The following APOBEC4 variants were observed in gnomAD, a reference collection of about 807,000 sequenced individuals.
APOBEC4 encodes the protein apolipoprotein B mRNA editing enzyme catalytic polypeptide like 4, also known as putative deaminase APOBEC-4.
For synonymous variants in APOBEC4, 141 were observed against 154.2 expected (o/e 0.91, Z 0.63); for missense variants, 375 against 441.2 (o/e 0.85, Z 1.34).
Position 183,648,238 on chromosome 1 carries a change from G to T in APOBEC4, c.544C>A (p.Pro182Thr). ...CTTATTGGACTCAAAACAACCCGCG[G>T]CCATAAGCTGGCCAGGCTCCGGAGA... ...EALRSLASLW[P>T]RVVLSPISGG... Residue 182 changes from proline to threonine, a missense_variant, in exon 2 of 2, where the codon CCG becomes ACG. Pro to Thr is a conservative substitution (Grantham distance 38). Coordinates refer to ENST00000308641, the MANE Select transcript of APOBEC4 (RefSeq NM_203454.3). 1 of 1,614,194 alleles carries T rather than the reference G, an allele frequency of 6.2e-7. No homozygotes were observed. Among genetic ancestry groups the T allele is most frequent in the Non-Finnish European group, 8.5e-7 (1 of 1,180,034 alleles).
At position 183,648,676 on chromosome 1, in the gene APOBEC4, G is replaced by A. The variant is rs778262711; in HGVS notation, c.106C>T (p.Arg36Ter). The A allele has an allele frequency of 1.1e-5, 17 of 1,614,156 alleles. No individual in the cohort carries two copies. Among genetic ancestry groups the A allele is most frequent in the East Asian group, 4.5e-5 (2 of 44,886 alleles). Reference protein sequence around the residue: ...LDCSNCPYHIRTGEEARVSLT... With the variant: ...LDCSNCPYHI ...GAAACTCTTGCTTCTTCACCTGTTC[G>A]AATATGGTAAGGACAATTAGAGCAA... The change falls in exon 2 of 2, where the codon CGA becomes TGA. Residue 36 changes from arginine to a stop codon, truncating the protein, a stop_gained. Coordinates refer to ENST00000308641, the MANE Select transcript of APOBEC4 (RefSeq NM_203454.3). LOFTEE classifies it low-confidence loss of function (END_TRUNC).
At chr1:183,648,946 T>G (rs980702019) in intron 1 of APOBEC4, 135 bp from the exon 2 acceptor site, 3 of 588,686 alleles carry the variant, frequency 5.1e-6, no homozygotes, top group Non-Finnish European at 8.7e-6. Flanking sequence ...ATTTAAAAGC[T>G]CAGGATTCAT....
In APOBEC4 at chr1:183,648,095, G is replaced by T; in HGVS notation, c.687C>A (p.Ile229=). The change falls in exon 2 of 2, where the codon ATC becomes ATA. Residue 229 remains isoleucine, a synonymous_variant. Transcript: ENST00000308641. The part of the protein sequence containing the change: ...ALADRHNAYE[I]NAITGVKPYF... ...AAGGTTTTACGCCTGTTATGGCATT[G>T]ATTTCATATGCGTTGTGCCTGTCAG... 6.2e-7 allele frequency: 1 copy of T among 1,614,218 alleles called. No individual in the cohort carries two copies. Among genetic ancestry groups the T allele is most frequent in the Non-Finnish European group, 8.5e-7 (1 of 1,180,046 alleles).
In APOBEC4 at chr1:183,647,825, GT is replaced by G. The variant is rs770601700; in HGVS notation, c.956del (p.His319ProfsTer2). ...NPNKPRNIVR[H>X]LNMPQMSFQE... is the part of the protein sequence containing the mutation. ...GGAATGACATTTGAGGCATATTTAAGTGCCTTACGATATTCCTGGGTTTATT... is the reference window on the plus strand; with the variant it reads ...GGAATGACATTTGAGGCATATTTAAGGCCTTACGATATTCCTGGGTTTATT... On this transcript the variant is annotated frameshift_variant, in exon 2 of 2. Coordinates refer to ENST00000308641, the MANE Select transcript of APOBEC4 (RefSeq NM_203454.3). LOFTEE classifies it low-confidence loss of function (END_TRUNC). The G allele has an allele frequency of 3.7e-6, 6 of 1,614,162 alleles. No individual in the cohort carries two copies. The South Asian group carries it at 5.5e-5, about 15-fold the overall frequency.
Position 183,648,722 on chromosome 1 carries a change from G to A in APOBEC4, c.60C>T (p.Tyr20=). The change falls in exon 2 of 2, where the codon TAC becomes TAT. Residue 20 remains tyrosine, a synonymous_variant. Transcript: ENST00000308641. ...ANHGTIVKPY[Y]WLSFSLDCSN... is the part of the protein sequence containing the mutation. The stretch of plus-strand genomic sequence containing the variant: ...AGCAATCGAGAGAGAAGCTTAGCCA[G>A]TAATATGGTTTTACTATTGTTCCAT... 6.2e-7 allele frequency: 1 copy of A among 1,614,002 alleles called. No individual in the cohort carries two copies. Among genetic ancestry groups the A allele is most frequent in the East Asian group, 2.2e-5 (1 of 44,842 alleles).
intron 1 of APOBEC4, among the ~76,000 whole-genome samples, 200 bp from the exon 2 acceptor site, chr1:183,649,011 C>T (rs1247899455): frequency 1.3e-5 from 2 of 152,204 alleles, no homozygotes; most frequent in Non-Finnish European, 2.9e-5. Flanking sequence ...GAAAGGCGTT[C>T]TTCAACTTTA....
chr1:183,653,060 A>C lies in APOBEC4; in HGVS notation c.-31+12T>G, dbSNP rs1162091706. On this transcript the variant is annotated intron_variant, in intron 1 of 1. Coordinates refer to ENST00000308641, the MANE Select transcript of APOBEC4 (RefSeq NM_203454.3). Reference sequence around the variant, plus strand: ...TTAGCAGCTAAAAACAAATGTTAGCAGTTATAATTACCATCAATTTGTCTC... The same window carrying C: ...TTAGCAGCTAAAAACAAATGTTAGCCGTTATAATTACCATCAATTTGTCTC... 6.6e-6 allele frequency: 1 copy of C among 152,244 alleles called. No individual in the cohort carries two copies. Among genetic ancestry groups the C allele is most frequent in the Non-Finnish European group, 1.5e-5 (1 of 68,048 alleles). The allele number at this position is 152,244 out of a possible 1,614,324, so 9.4% of individuals were successfully genotyped here. A position where few individuals can be genotyped will look rare whatever the true frequency, so the allele number is the denominator to read the frequency against.
In APOBEC4 at chr1:183,648,610, T is replaced by A; in HGVS notation, c.172A>T (p.Thr58Ser). 1 of 1,614,200 alleles carries A rather than the reference T, an allele frequency of 6.2e-7. No individual in the cohort carries two copies. Among genetic ancestry groups the A allele is most frequent in the Non-Finnish European group, 8.5e-7 (1 of 1,180,020 alleles). ...AGGTGTTTTGTTTGAGGAAATGTTG[T>A]CCCATAAGGGAATCCAAAAATCTGA... Reference protein sequence around the residue: ...FCQIFGFPYGTTFPQTKHLTF... With the variant: ...FCQIFGFPYGSTFPQTKHLTF... Residue 58 changes from threonine to serine, a missense_variant, in exon 2 of 2, where the codon ACA becomes TCA. Physicochemically the swap from Thr to Ser is moderately conservative, Grantham distance 58 (BLOSUM62 1). Coordinates refer to ENST00000308641, the MANE Select transcript of APOBEC4 (RefSeq NM_203454.3).
At position 183,646,498 on chromosome 1, in the gene APOBEC4, T is replaced by C. The variant is rs1650304924; in HGVS notation, c.*1180A>G. 6.6e-6 allele frequency: 1 copy of C among 152,172 alleles called. No homozygotes were observed. Among genetic ancestry groups the C allele is most frequent in the African/African-American group, 2.4e-5 (1 of 41,446 alleles). The allele number at this position is 152,172 out of a possible 1,614,324, so 9.4% of individuals were successfully genotyped here. A position where few individuals can be genotyped will look rare whatever the true frequency, so the allele number is the denominator to read the frequency against. On this transcript the variant is annotated 3_prime_UTR_variant, in exon 2 of 2. Transcript: ENST00000308641. Reference sequence around the variant, plus strand: ...TTTTCTTGTAATGTATCTTTACATATTTCAAAGAGGCAAGTGGCAGCAAAT... The same window carrying C: ...TTTTCTTGTAATGTATCTTTACATACTTCAAAGAGGCAAGTGGCAGCAAAT...
Position 183,648,531 on chromosome 1 carries a change from G to A in APOBEC4, c.251C>T (p.Ala84Val), listed in dbSNP as rs529403451. 6 of 1,614,158 alleles carry A rather than the reference G, an allele frequency of 3.7e-6. No individual in the cohort carries two copies. Among genetic ancestry groups the A allele is most frequent in the South Asian group, 1.1e-5 (1 of 91,082 alleles). Residue 84 changes from alanine (A) to valine (V), a missense_variant, in exon 2 of 2, where the codon GCT becomes GTT. Transcript: ENST00000308641. The part of the protein sequence containing the change: ...SSGSLVQKGH[A>V]SSCTGNYIHP... ...GATATAATTCCCAGTGCAACTGCTAGCATGGCCCTTTTGCACCAGGCTACC... is the reference window on the plus strand; with the variant it reads ...GATATAATTCCCAGTGCAACTGCTAACATGGCCCTTTTGCACCAGGCTACC...
Position 183,648,380 on chromosome 1 carries a change from G to A in APOBEC4, c.402C>T (p.Cys134=). The A allele has an allele frequency of 6.2e-7, 1 of 1,614,220 alleles. No individual in the cohort carries two copies. Among genetic ancestry groups the A allele is most frequent in the South Asian group, 1.1e-5 (1 of 91,082 alleles). The change falls in exon 2 of 2, where the codon TGC becomes TGT. Residue 134 remains cysteine, a synonymous_variant. Transcript: ENST00000308641. ...TCAGGAAATTATACATTTTGCTGAT[G>A]CAGCAGTGGTTAGCTTCATTACAAG... is the stretch of plus-strand genomic sequence containing the variant. The part of the protein sequence containing the change: ...NSPCNEANHC[C]ISKMYNFLIT...
At chr1:183,649,265 T>A (rs975468781) in intron 1 of APOBEC4, among the ~76,000 whole-genome samples, 1 of 152,244 alleles carries the variant, frequency 6.6e-6, no homozygotes, top group Non-Finnish European at 1.5e-5. Flanking sequence ...ACTAATGTGC[T>A]TGTCACATAG....
rs1458254524 is a variant in APOBEC4, at chr1:183,648,604, A to G, written c.178T>C (p.Phe60Leu). 4.3e-6 allele frequency: 7 copies of G among 1,614,098 alleles called. No homozygotes were observed. The highest frequency in any genetic ancestry group is 5.9e-6 in the Non-Finnish European group (7 of 1,180,042). The change falls in exon 2 of 2, where the codon TTT (phenylalanine) becomes CTT (leucine). Residue 60 changes from phenylalanine (F) to leucine (L), a missense_variant. Transcript: ENST00000308641. ...QIFGFPYGTT[F>L]PQTKHLTFYE... is the part of the protein sequence containing the mutation. ...AATGTGAGGTGTTTTGTTTGAGGAA[A>G]TGTTGTCCCATAAGGGAATCCAAAA...
intron 1 of APOBEC4, among the ~76,000 whole-genome samples, chr1:183,650,834 A>G (rs1441583991): frequency 6.6e-6 from 1 of 151,854 alleles, no homozygotes; most frequent in East Asian, 1.9e-4. Flanking sequence ...TCCCAATTTG[A>G]GAAGGGAGCA....
In APOBEC4 at chr1:183,648,757, G is replaced by C; in HGVS notation, c.25C>G (p.Leu9Val). MEPIYEEYLANHGTIVKPY... is the reference protein window; with the variant it reads MEPIYEEYVANHGTIVKPY... ...TTTACTATTGTTCCATGATTTGCTAGGTACTCCTCATATATGGGCTCCATT... is the reference window on the plus strand; with the variant it reads ...TTTACTATTGTTCCATGATTTGCTACGTACTCCTCATATATGGGCTCCATT... The change falls in exon 2 of 2, where the codon CTA becomes GTA. Residue 9 changes from leucine to valine, a missense_variant. Physicochemically the swap from Leu to Val is conservative, Grantham distance 32. Transcript: ENST00000308641. The C allele has an allele frequency of 6.2e-7, 1 of 1,609,782 alleles. No homozygotes were observed.
In APOBEC4 at chr1:183,648,680, A is replaced by T. The variant is rs151221520; in HGVS notation, c.102T>A (p.His34Gln). The change falls in exon 2 of 2, where the codon CAT becomes CAA. Residue 34 changes from histidine (H) to glutamine (Q), a missense_variant. By Grantham distance (24) the His-to-Gln change is conservative (BLOSUM62 0). Coordinates refer to ENST00000308641, the MANE Select transcript of APOBEC4 (RefSeq NM_203454.3). ...CTCTTGCTTCTTCACCTGTTCGAAT[A>T]TGGTAAGGACAATTAGAGCAATCGA... ...FSLDCSNCPY[H>Q]IRTGEEARVS... 5 of 1,614,198 alleles carry T rather than the reference A, an allele frequency of 3.1e-6. No homozygotes were observed. The highest frequency in any genetic ancestry group is 4.2e-6 in the Non-Finnish European group (5 of 1,180,012).
At position 183,647,597 on chromosome 1, in the gene APOBEC4, T is replaced by C; in HGVS notation, c.*81A>G. ...GTTTATCTCCATCTTGGCTCAGCCC[T>C]GAGAGAGAAAGTTTCCAGATTTTTA... On this transcript the variant is annotated 3_prime_UTR_variant, in exon 2 of 2. Transcript: ENST00000308641. 6.7e-7 allele frequency: 1 copy of C among 1,498,762 alleles called. No homozygotes were observed. The highest frequency in any genetic ancestry group is 8.9e-7 in the Non-Finnish European group (1 of 1,129,904). 92.8% of individuals were successfully genotyped at this position (1,498,762 alleles called of 1,614,324 possible).
At position 183,648,070 on chromosome 1, in the gene APOBEC4, A is replaced by G; in HGVS notation, c.712T>C (p.Tyr238His). ...EINAITGVKP[Y>H]FTDVLLQTKR... ...GTCTGGAGAAGAACATCAGTGAAGT[A>G]AGGTTTTACGCCTGTTATGGCATTG... The change falls in exon 2 of 2, where the codon TAC (tyrosine) becomes CAC (histidine). Residue 238 changes from tyrosine (Y) to histidine (H), a missense_variant. Transcript: ENST00000308641. 1 of 1,614,248 alleles carries G rather than the reference A, an allele frequency of 6.2e-7. No homozygotes were observed. Among genetic ancestry groups the G allele is most frequent in the South Asian group, 1.1e-5 (1 of 91,088 alleles).
rs968538326 is a variant in APOBEC4 at position 183,646,425 on chromosome 1, A to ATC, written c.*1252_*1253insGA. ...TTATTAGCTTAGGATTACTTTATAT[A>ATC]TATATATAAAGAAAAAAATTAATAG... On this transcript the variant is annotated 3_prime_UTR_variant, in exon 2 of 2. Coordinates refer to ENST00000308641, the MANE Select transcript of APOBEC4 (RefSeq NM_203454.3). 2.6e-5 allele frequency: 4 copies of ATC among 151,732 alleles called. No homozygotes were observed. The highest frequency in any genetic ancestry group is 2.6e-4 in the Admixed American group (4 of 15,250). The allele number at this position is 151,732 out of a possible 1,614,324, so 9.4% of individuals were successfully genotyped here.
Sources: allele counts gnomAD v4.1 joint callset (sites outside exome capture counted in the v4.1 genomes callset), GRCh38; gene constraint gnomAD v4.1.1; transcripts MANE v1.5; gene names NCBI Gene and HGNC (gene_info 2026-07-23, HGNC 2026-07-21).